The following VPS13B variants were observed in gnomAD, a reference collection of about 807,000 sequenced individuals.
VPS13B encodes intermembrane lipid transfer protein VPS13B.
In VPS13B, 285 loss-of-function variants were observed where a neutral mutation model predicts 426.4. The ratio of observed to expected loss-of-function variants is 0.67; its 90% CI spans 0.61 to 0.74. The LOEUF (loss-of-function observed/expected upper bound fraction) is 0.74, where lower values mean the gene tolerates loss of function less well. VPS13B is among the 30% of genes least tolerant of loss of function. The pLI, the probability that VPS13B is intolerant of heterozygous loss-of-function variation, is 0.00. For missense variants in VPS13B, 4,537 were observed against 4,782.6 expected (o/e 0.95, Z 1.51); for synonymous variants, 1,676 against 1,676.4 (o/e 1.00, Z 0.01).
intron 54 of VPS13B, among the ~76,000 whole-genome samples, chr8:99,838,118 C>A (rs1588767787): frequency 6.6e-6 from 1 of 152,284 alleles, no homozygotes; most frequent in Middle Eastern, 3.4e-3. Flanking sequence ...ATGTAGGCTG[C>A]AGAATACCGA....
intron 17 of VPS13B, chr8:99,233,570 TG>T: frequency 8.6e-7 from 1 of 1,160,614 alleles, no homozygotes; most frequent in Non-Finnish European, 1.3e-6. Context: ...GTATCTGGAG[TG>T]GGTATTAACA....
intron 19 of VPS13B, among the ~76,000 whole-genome samples, chr8:99,348,715 G>A (rs1369355297): frequency 6.6e-6 from 1 of 152,038 alleles, no homozygotes; most frequent in East Asian, 1.9e-4. Flanking sequence ...TTATAAGGAG[G>A]AACCACCTAA....
intron 52 of VPS13B, 111 bp downstream of exon 52, chr8:99,832,763 G>T (rs1035476807): frequency 9.9e-6 from 11 of 1,107,298 alleles, no homozygotes; most frequent in Non-Finnish European, 1.4e-5. Flanking sequence ...GTAATATTAG[G>T]CTTTATTTTT....
intron 35 of VPS13B, among the ~76,000 whole-genome samples, chr8:99,678,920 T>C (rs1187832451): frequency 6.6e-6 from 1 of 152,186 alleles, no homozygotes; most frequent in African/African-American, 2.4e-5. Flanking sequence ...TAGTTGATGT[T>C]GTTTGATATT....
chr8:99,096,418 C>T lies in VPS13B; in HGVS notation c.398C>T (p.Pro133Leu). The change falls in exon 4 of 62, where the codon CCT becomes CTT. Residue 133 changes from proline to leucine, a missense_variant. By Grantham distance (98) the Pro-to-Leu change is moderately conservative. This residue lies in a region of VPS13B where 226 missense variants were observed against 308.3 expected (regional missense o/e 0.73). Transcript: ENST00000357162. ...ATGCAGCAGGCTGCTCCTACAGATC[C>T]TGACTTACCACCAGGTAACTTCTAA... Reference protein sequence around the residue: ...RRMQQAAPTDPDLPPGYVQSL... With the variant: ...RRMQQAAPTDLDLPPGYVQSL... The T allele has an allele frequency of 6.2e-7, 1 of 1,614,010 alleles. No homozygotes were observed. Among genetic ancestry groups the T allele is most frequent in the Non-Finnish European group, 8.5e-7 (1 of 1,179,956 alleles).
intron 30 of VPS13B, among the ~76,000 whole-genome samples, chr8:99,530,607 C>G (rs1822880937): frequency 1.4e-5 from 2 of 141,350 alleles, no homozygotes; most frequent in South Asian, 4.3e-4. Flanking sequence ...GAGTGAGACT[C>G]TGTCTCAAAA....
chr8:99,173,470 A>G (rs1054499612), intron 16 of VPS13B, among the ~76,000 whole-genome samples: 9 of 152,216 alleles, frequency 5.9e-5, no homozygotes, highest in Non-Finnish European at 5.9e-5. Context: ...TGATGTTTAT[A>G]CAACTGCCCT....
intron 20 of VPS13B, among the ~76,000 whole-genome samples, chr8:99,384,986 AT>A (rs1814037155): frequency 6.6e-6 from 1 of 152,078 alleles, no homozygotes; most frequent in Admixed American, 6.6e-5. Context: ...ACCAGCTTTT[AT>A]TTTTATCTCT....
chr8:99,308,617 G>A (rs1048617458), intron 19 of VPS13B, among the ~76,000 whole-genome samples: 7 of 152,036 alleles, frequency 4.6e-5, no homozygotes, highest in African/African-American at 1.5e-4. Context: ...CTTTGCTATT[G>A]TGAATAGTGC....
At chr8:99,386,955 C>T (rs1036767809) in intron 20 of VPS13B, among the ~76,000 whole-genome samples, 8 of 151,988 alleles carry the variant, frequency 5.3e-5, no homozygotes, top group African/African-American at 1.7e-4. Context: ...GGCAAAAGGG[C>T]GAGACCCCAT....
At chr8:99,240,171 C>T (rs1466742600) in intron 17 of VPS13B, among the ~76,000 whole-genome samples, 2 of 152,116 alleles carry the variant, frequency 1.3e-5, no homozygotes, top group African/African-American at 4.8e-5. Context: ...GCCAGGTGGA[C>T]TCTGGGCATT....
At chr8:99,223,562 C>T (rs1378357810) in intron 17 of VPS13B, among the ~76,000 whole-genome samples, 1 of 152,094 alleles carries the variant, frequency 6.6e-6, no homozygotes, top group Non-Finnish European at 1.5e-5. Context: ...AATATCAATC[C>T]ATGTACTCTG....
At chr8:99,255,961 G>A (rs1482911392) in intron 17 of VPS13B, among the ~76,000 whole-genome samples, 2 of 152,160 alleles carry the variant, frequency 1.3e-5, no homozygotes, top group Non-Finnish European at 2.9e-5. Context: ...GCTGAAGATG[G>A]AAGTCTAGGC....
chr8:99,639,647 C>CAT (rs142420928), intron 33 of VPS13B, among the ~76,000 whole-genome samples: 6,117 of 147,952 alleles, frequency 0.041, 136 homozygotes, highest in East Asian at 0.06. Flanking sequence ...TAAGTTATTG[C>CAT]ATATATATAT....
chr8:99,786,751 T>C (rs1213572906), intron 43 of VPS13B, among the ~76,000 whole-genome samples: 1 of 152,162 alleles, frequency 6.6e-6, no homozygotes, highest in South Asian at 2.1e-4. Flanking sequence ...CTAGATAACC[T>C]AGATAATATT....
At chr8:99,723,919 T>C (rs1330944705) in intron 39 of VPS13B, among the ~76,000 whole-genome samples, 2 of 152,144 alleles carry the variant, frequency 1.3e-5, no homozygotes, top group Non-Finnish European at 2.9e-5. Context: ...ACTCAGAATC[T>C]ACAACTTGGA....
At chr8:99,254,565 T>C (rs1297615588) in intron 17 of VPS13B, among the ~76,000 whole-genome samples, 1 of 151,792 alleles carries the variant, frequency 6.6e-6, no homozygotes, top group Non-Finnish European at 1.5e-5. Flanking sequence ...AGATTTTGTC[T>C]TTTGTCAAAT....
chr8:99,854,452 A>G (rs1195057135), intron 56 of VPS13B, among the ~76,000 whole-genome samples, 196 bp downstream of exon 56: 1 of 152,092 alleles, frequency 6.6e-6, no homozygotes, highest in Admixed American at 6.5e-5. Flanking sequence ...AAGTTATTGA[A>G]CCTTCCTGAG....
Position 99,326,452 on chromosome 8 carries a change from C to CTTTTTTTTTTTTTTTTTTTTTTTTTTTT in VPS13B, c.2824+51201_2824+51228dup, listed in dbSNP as rs747097247. 7.7e-4 allele frequency among the ~76,000 whole-genome samples: 25 copies of CTTTTTTTTTTTTTTTTTTTTTTTTTTTT among 32,524 alleles called. 10 individuals carry two copies. The highest frequency in any genetic ancestry group is 2.1e-3 in the East Asian group (2 of 948). 21.3% of individuals were successfully genotyped at this position (32,524 alleles called of 152,430 possible). On this transcript the variant is annotated intron_variant, in intron 19 of 61. Coordinates refer to ENST00000357162, the MANE Select transcript of VPS13B (RefSeq NM_152564.5). ...ATTTCTATCTATCATCTCTAGGTAG[C>CTTTTTTTTTTTTTTTTTTTTTTTTTTTT]TTTTTTTTTTTTTTTTTTTTTTTTT...
Sources: gnomAD v4.1 joint callset for allele counts (sites outside exome capture counted in the v4.1 genomes callset) on GRCh38, gnomAD v4.1.1 for gene constraint, gnomAD v4.1.1 regional missense constraint, MANE v1.5 for transcripts, NCBI Gene and HGNC (gene_info 2026-07-23, HGNC 2026-07-21) for gene names.